C1orf21: variants seen among roughly 807,000 people sequenced by gnomAD.
C1orf21 encodes uncharacterized protein C1orf21.
C1orf21 carries 3 observed loss-of-function variants against 18.7 expected under a neutral mutation model. That is an observed-to-expected ratio of 0.16 (90% CI 0.07 to 0.42). C1orf21 has a LOEUF of 0.42. Ranked by LOEUF, C1orf21 falls within the 10% of genes least tolerant of loss-of-function variation. C1orf21 has a pLI of 0.99. For missense variants in C1orf21, 104 were observed against 143.6 expected (o/e 0.72, Z 1.41); for synonymous variants, 41 against 46.4 (o/e 0.88, Z 0.47).
At chr1:184,523,985 C>T (rs989040553) in intron 3 of C1orf21, among the ~76,000 whole-genome samples, 2 of 152,156 alleles carry the variant, frequency 1.3e-5, no homozygotes, top group Non-Finnish European at 2.9e-5. Flanking sequence ...TTCCCACCAC[C>T]AAAATATGAG....
intron 3 of C1orf21, among the ~76,000 whole-genome samples, chr1:184,574,161 C>A (rs1186499127): frequency 6.6e-6 from 1 of 152,060 alleles, no homozygotes; most frequent in Non-Finnish European, 1.5e-5. Flanking sequence ...GCTGAGATCA[C>A]GCCACTGCAC....
chr1:184,405,722 C>A lies in C1orf21; in HGVS notation c.-125+18354C>A, dbSNP rs547904952. Among the ~76,000 whole-genome samples the A allele has an allele frequency of 8.5e-5, 13 of 152,340 alleles. 1 individual carries two copies. The highest frequency in any genetic ancestry group is 3.1e-4 in the African/African-American group (13 of 41,582). ...AAATTACAGCAGAGCTGTTTGGAATCTCTGTCTATTCCTCTTTAGATTGGT... is the reference window on the plus strand; with the variant it reads ...AAATTACAGCAGAGCTGTTTGGAATATCTGTCTATTCCTCTTTAGATTGGT... On this transcript the variant is annotated intron_variant, in intron 1 of 5. Coordinates refer to ENST00000235307, the MANE Select transcript of C1orf21 (RefSeq NM_030806.4).
At chr1:184,454,569 G>A (rs1657169939) in intron 1 of C1orf21, among the ~76,000 whole-genome samples, 1 of 152,130 alleles carries the variant, frequency 6.6e-6, no homozygotes, top group Non-Finnish European at 1.5e-5. Flanking sequence ...GATCATGGGG[G>A]TGGATTTCCA....
chr1:184,580,383 T>A (rs1417036425), intron 3 of C1orf21, among the ~76,000 whole-genome samples: 1 of 152,258 alleles, frequency 6.6e-6, no homozygotes, highest in East Asian at 1.9e-4. Context: ...TTGGCACCCA[T>A]TGAATGGAAA....
At chr1:184,479,464 A>G (rs567312385) in intron 2 of C1orf21, among the ~76,000 whole-genome samples, 15 of 152,284 alleles carry the variant, frequency 9.9e-5, no homozygotes, top group African/African-American at 3.6e-4. Flanking sequence ...GTGCTACGCA[A>G]ATTTTACATA....
At chr1:184,514,823 A>G (rs557739092) in intron 3 of C1orf21, among the ~76,000 whole-genome samples, 26 of 152,368 alleles carry the variant, frequency 1.7e-4, no homozygotes, top group African/African-American at 6.3e-4. Context: ...TGCCATGGAA[A>G]AATCATGTAG....
intron 1 of C1orf21, among the ~76,000 whole-genome samples, chr1:184,391,988 G>A (rs1018630729): frequency 3.3e-5 from 5 of 152,006 alleles, no homozygotes; most frequent in African/African-American, 1.2e-4. Flanking sequence ...GATTACAGGC[G>A]TGAGCCACCG....
At chr1:184,577,771 T>G (rs534269141) in intron 3 of C1orf21, among the ~76,000 whole-genome samples, 4 of 152,192 alleles carry the variant, frequency 2.6e-5, no homozygotes, top group Non-Finnish European at 4.4e-5. Flanking sequence ...TGGGTTTTTA[T>G]TTGTTAAAAT....
intron 2 of C1orf21, among the ~76,000 whole-genome samples, chr1:184,482,753 T>A (rs1341458122): frequency 6.6e-6 from 1 of 152,218 alleles, no homozygotes; most frequent in East Asian, 1.9e-4. Context: ...CATTTGATCC[T>A]TTTCCTAAAG....
Position 184,622,307 on chromosome 1 carries a change from T to TGGCCGTGTCC in C1orf21, c.*2754_*2763dup, listed in dbSNP as rs1180054482. On this transcript the variant is annotated 3_prime_UTR_variant, in exon 6 of 6. Transcript: ENST00000235307. ...CATTAAGCAGAGAGGGTTGATAGGC[T>TGGCCGTGTCC]GGCCGTGTCCGGGGTGAAATTGGAA... 6.6e-6 allele frequency: 1 copy of TGGCCGTGTCC among 152,248 alleles called. No individual in the cohort carries two copies. The highest frequency in any genetic ancestry group is 1.5e-5 in the Non-Finnish European group (1 of 68,068). The allele number at this position is 152,248 out of a possible 1,614,324, so 9.4% of individuals were successfully genotyped here. A position where few individuals can be genotyped will look rare whatever the true frequency, so the allele number is the denominator to read the frequency against.
chr1:184,405,158 T>C (rs1656224728), intron 1 of C1orf21, among the ~76,000 whole-genome samples: 1 of 152,184 alleles, frequency 6.6e-6, no homozygotes, highest in Middle Eastern at 3.2e-3. Flanking sequence ...ATCTGAATCA[T>C]TATTTGGCAT....
intron 2 of C1orf21, among the ~76,000 whole-genome samples, chr1:184,486,289 G>A (rs757692600): frequency 6.6e-5 from 10 of 152,232 alleles, no homozygotes; most frequent in Non-Finnish European, 1.3e-4. Flanking sequence ...ATGGAATGGA[G>A]TAGTTGTGAA....
chr1:184,498,250 T>C (rs774087172), intron 2 of C1orf21, among the ~76,000 whole-genome samples: 1 of 152,182 alleles, frequency 6.6e-6, no homozygotes, highest in Admixed American at 6.5e-5. Context: ...TCTGTGATGG[T>C]TGTTATCTGA....
chr1:184,577,947 G>GTTTTGTTTTTTTTTTTTTTTTTTTTT (rs1571285782), intron 3 of C1orf21, among the ~76,000 whole-genome samples: 2 of 86,752 alleles, frequency 2.3e-5, no homozygotes, highest in African/African-American at 5.5e-5. Context: ...TTTTTGTTTT[G>GTTTTGTTTTTTTTTTTTTTTTTTTTT]TTTTTGTTTT....
chr1:184,514,845 G>C (rs1184535759), intron 3 of C1orf21, among the ~76,000 whole-genome samples: 2 of 152,190 alleles, frequency 1.3e-5, no homozygotes, highest in African/African-American at 4.8e-5. Context: ...TTGTGGAATG[G>C]ATATGTATAG....
chr1:184,601,973 T>C (rs1659590987), intron 5 of C1orf21, among the ~76,000 whole-genome samples: 1 of 152,186 alleles, frequency 6.6e-6, no homozygotes, highest in African/African-American at 2.4e-5. Flanking sequence ...TGCTAGTTAC[T>C]GAGGATACAA....
chr1:184,452,122 C>A (rs1657132520), intron 1 of C1orf21, among the ~76,000 whole-genome samples: 1 of 152,104 alleles, frequency 6.6e-6, no homozygotes, highest in Non-Finnish European at 1.5e-5. Flanking sequence ...TAGACATGTC[C>A]ATGTGCAATG....
At chr1:184,584,138 T>C (rs1253361553) in intron 3 of C1orf21, among the ~76,000 whole-genome samples, 6 of 146,256 alleles carry the variant, frequency 4.1e-5, no homozygotes, top group African/African-American at 1.2e-4. Flanking sequence ...TTCTTCTTTT[T>C]TTTTTTTTTT....
At chr1:184,504,327 G>T (rs536699709) in intron 2 of C1orf21, among the ~76,000 whole-genome samples, 2 of 125,846 alleles carry the variant, frequency 1.6e-5, no homozygotes, top group African/African-American at 6.8e-5. Context: ...TCTCTTCCTC[G>T]AGTTGGCACG....
Sources: allele counts gnomAD v4.1 joint callset (sites outside exome capture counted in the v4.1 genomes callset), GRCh38; gene constraint gnomAD v4.1.1; transcripts MANE v1.5; gene names NCBI Gene and HGNC (gene_info 2026-07-23, HGNC 2026-07-21).